Variants in AADAT observed in about 807,000 individuals in gnomAD.
The protein encoded by AADAT is kynurenine/alpha-aminoadipate aminotransferase, mitochondrial.
A neutral mutation model predicts 56.2 loss-of-function variants in AADAT; 25 were observed. The observed-to-expected ratio is 0.44, with a 90% CI of 0.32 to 0.62. The LOEUF is 0.62. Ranked by LOEUF, AADAT falls within the 20% of genes least tolerant of loss-of-function variation. The probability of loss-of-function intolerance (pLI) is 0.04; values close to 1 mark genes in which losing one functional copy is unlikely to be tolerated. For missense variants in AADAT, 387 were observed against 510.5 expected (o/e 0.76, Z 2.33); for synonymous variants, 173 against 164.7 (o/e 1.05, Z -0.39).
chr4:170,077,938 C>CT (rs1223335663), intron 4 of AADAT, among the ~76,000 whole-genome samples: 1 of 152,174 alleles, frequency 6.6e-6, no homozygotes, highest in Non-Finnish European at 1.5e-5. Flanking sequence ...CTATCTTTCT[C>CT]TGAGTATGCT....
At chr4:170,068,932 G>T (rs770708371) in intron 7 of AADAT, among the ~76,000 whole-genome samples, 4 of 152,078 alleles carry the variant, frequency 2.6e-5, no homozygotes, top group Non-Finnish European at 5.9e-5. Context: ...TGACTGGTCC[G>T]ACTACAACTT....
At chr4:170,093,632 T>C (rs577754779), upstream of AADAT, among the ~76,000 whole-genome samples, 36 of 152,266 alleles carry the variant, frequency 2.4e-4, no homozygotes, top group African/African-American at 8.7e-4. Flanking sequence ...TCTCACTTTG[T>C]TATCCAGGCT....
At chr4:170,078,358 A>G (rs1732135052) in intron 4 of AADAT, 151 bp downstream of exon 4, 3 of 462,164 alleles carry the variant, frequency 6.5e-6, no homozygotes, top group East Asian at 7.5e-5. Context: ...GCTTATGGAT[A>G]AAATATGCTA....
chr4:170,087,285 A>T, intron 2 of AADAT, 37 bp from the exon 3 acceptor site: 1 of 1,585,732 alleles, frequency 6.3e-7, no homozygotes, highest in South Asian at 1.1e-5. Context: ...TCATAGTAGT[A>T]AAAATCATAG....
chr4:170,083,712 G>T (rs1417209086), intron 3 of AADAT, among the ~76,000 whole-genome samples: 1 of 152,094 alleles, frequency 6.6e-6, no homozygotes, highest in African/African-American at 2.4e-5. Flanking sequence ...ATTCAAAATG[G>T]CTAGTTTCAA....
At chr4:170,087,083 T>C in intron 3 of AADAT, 33 bp downstream of exon 3, 1 of 1,612,372 alleles carries the variant, frequency 6.2e-7, no homozygotes, top group Non-Finnish European at 8.5e-7. Flanking sequence ...CTTCCAATTC[T>C]ACATTTTGGC....
At chr4:170,067,293 T>G (rs764758629) in intron 9 of AADAT, 34 bp downstream of exon 9, 1 of 1,540,548 alleles carries the variant, frequency 6.5e-7, no homozygotes, top group East Asian at 2.3e-5. Context: ...GGCTCCTGTT[T>G]TGTTCATAAA....
intron 4 of AADAT, among the ~76,000 whole-genome samples, chr4:170,074,190 TTTA>T (rs1561017732): frequency 1.3e-5 from 2 of 152,268 alleles, no homozygotes; most frequent in South Asian, 2.1e-4. Context: ...TGATTTTTCC[TTTA>T]TTATTATTAC....
In AADAT at chr4:170,061,980, G is replaced by A. The variant is rs1446118862; in HGVS notation, c.1148C>T (p.Pro383Leu). The A allele has an allele frequency of 6.2e-6, 10 of 1,611,940 alleles. No homozygotes were observed. The highest frequency in any genetic ancestry group is 8.5e-6 in the Non-Finnish European group (10 of 1,178,634). The change falls in exon 12 of 13, where the codon CCT (proline) becomes CTT (leucine). Residue 383 changes from proline to leucine, a missense_variant. By Grantham distance (98) the Pro-to-Leu change is moderately conservative. Coordinates refer to ENST00000337664, the MANE Select transcript of AADAT (RefSeq NM_016228.4). ...GCTATCGACGTAGAAAGCATTTCCAGGGAGCATTAATACCTAAGAGAGTTT... is the reference window on the plus strand; with the variant it reads ...GCTATCGACGTAGAAAGCATTTCCAAGGAGCATTAATACCTAAGAGAGTTT... Reference protein sequence around the residue: ...KAVKMGVLMLPGNAFYVDSSA... With the variant: ...KAVKMGVLMLLGNAFYVDSSA...
chr4:170,092,229 C>T (rs112338544), upstream of AADAT, among the ~76,000 whole-genome samples: 2 of 152,242 alleles, frequency 1.3e-5, no homozygotes, highest in Non-Finnish European at 2.9e-5. Flanking sequence ...TGCAATAAAT[C>T]TTGCTGCTGC....
At chr4:170,085,416 A>G (rs1732509146) in intron 3 of AADAT, among the ~76,000 whole-genome samples, 1 of 152,180 alleles carries the variant, frequency 6.6e-6, no homozygotes, top group Admixed American at 6.6e-5. Context: ...ATGAGAGAGA[A>G]ACACAGGAGT....
chr4:170,083,974 G>T (rs180840480), intron 3 of AADAT, among the ~76,000 whole-genome samples: 130 of 152,244 alleles, frequency 8.5e-4, no homozygotes, highest in African/African-American at 2.9e-3. Context: ...GCCAAAATAT[G>T]GAACCAACCT....
At chr4:170,091,351 T>C (rs1315511968), upstream of AADAT, among the ~76,000 whole-genome samples, 3 of 151,294 alleles carry the variant, frequency 2.0e-5, no homozygotes, top group African/African-American at 7.3e-5. Context: ...CAGACCCGGG[T>C]AGTGAGGGGC....
At chr4:170,074,622 G>T (rs1731947935) in intron 4 of AADAT, among the ~76,000 whole-genome samples, 1 of 152,102 alleles carries the variant, frequency 6.6e-6, no homozygotes, top group Admixed American at 6.5e-5. Flanking sequence ...GCCTGGAATG[G>T]GGACCTGTAG....
chr4:170,073,389 TGTAA>T, intron 4 of AADAT, 44 bp from the exon 5 acceptor site: 1 of 1,525,970 alleles, frequency 6.6e-7, no homozygotes, highest in Non-Finnish European at 8.8e-7. Flanking sequence ...TGATTACAAA[TGTAA>T]GTGCTATTGG....
At chr4:170,083,679 A>G (rs553727571) in intron 3 of AADAT, among the ~76,000 whole-genome samples, 1 of 152,278 alleles carries the variant, frequency 6.6e-6, no homozygotes, top group African/African-American at 2.4e-5. Flanking sequence ...CCTCAAAACC[A>G]CAATGAGATA....
At chr4:170,064,954 AGC>A (rs1731373629) in intron 10 of AADAT, 129 bp from the exon 11 acceptor site, 1 of 673,134 alleles carries the variant, frequency 1.5e-6, no homozygotes, top group African/African-American at 1.9e-5. Flanking sequence ...CTTCAATTAT[AGC>A]ATTTTTAAAA....
intron 5 of AADAT, among the ~76,000 whole-genome samples, chr4:170,072,691 T>C (rs1258882089): frequency 6.6e-6 from 1 of 152,176 alleles, no homozygotes; most frequent in East Asian, 1.9e-4. Context: ...AAAATGTTTA[T>C]AGTGAAAAGC....
rs368676033 is a variant in AADAT, at chr4:170,067,382, T to A, written c.907A>T (p.Ile303Leu). The change falls in exon 9 of 13, where the codon ATA becomes TTA. Residue 303 changes from isoleucine to leucine, a missense_variant. Transcript: ENST00000337664. ...CCCCATTCGTGTAGAAGCTGTGATATCATGAGCTAAAAGAGATAAAATCAT... is the reference window on the plus strand; with the variant it reads ...CCCCATTCGTGTAGAAGCTGTGATAACATGAGCTAAAAGAGATAAAATCAT... ...LHPSTFNQLM[I>L]SQLLHEWGEE... is the part of the protein sequence containing the mutation. The A allele has an allele frequency of 6.2e-7, 1 of 1,613,328 alleles. No individual in the cohort carries two copies. The highest frequency in any genetic ancestry group is 8.5e-7 in the Non-Finnish European group (1 of 1,179,484).
Sources: gnomAD v4.1 joint callset for allele counts (sites outside exome capture counted in the v4.1 genomes callset) on GRCh38, gnomAD v4.1.1 for gene constraint, MANE v1.5 for transcripts, NCBI Gene and HGNC (gene_info 2026-07-23, HGNC 2026-07-21) for gene names.